The following ROBO2 variants were observed in gnomAD, a reference collection of about 807,000 sequenced individuals.
ROBO2 encodes roundabout homolog 2.
Under a neutral mutation model 160.8 loss-of-function variants are expected in ROBO2, and 53 were observed. The observed-to-expected ratio is 0.33, with a 90% CI of 0.26 to 0.41. The LOEUF (loss-of-function observed/expected upper bound fraction) is 0.41. Ranked by LOEUF, ROBO2 falls within the 10% of genes least tolerant of loss-of-function variation. ROBO2 has a pLI of 1.00. For synonymous variants in ROBO2, 664 were observed against 611.7 expected (o/e 1.09, Z -1.26); for missense variants, 1,577 against 1,722.4 (o/e 0.92, Z 1.49).
chr3:77,178,304 C>G (rs2150811930), intron 2 of ROBO2, among the ~76,000 whole-genome samples: 1 of 152,098 alleles, frequency 6.6e-6, no homozygotes, highest in South Asian at 2.1e-4. Context: ...TTCCAATGCA[C>G]AAAGATACAG....
intron 2 of ROBO2, among the ~76,000 whole-genome samples, chr3:76,593,251 G>A (rs1000461133): frequency 6.6e-6 from 1 of 151,990 alleles, no homozygotes; most frequent in African/African-American, 2.4e-5. Flanking sequence ...CATTAAGAAT[G>A]CTGTAATCCC....
At chr3:75,929,494 TGA>T (rs1947440573) in intron 1 of ROBO2, among the ~76,000 whole-genome samples, 1 of 152,174 alleles carries the variant, frequency 6.6e-6, no homozygotes, top group Admixed American at 6.5e-5. Context: ...TTTCATAAAT[TGA>T]GACTGGTCTT....
At chr3:76,527,966 A>C (rs1440026394) in intron 2 of ROBO2, among the ~76,000 whole-genome samples, 1 of 152,078 alleles carries the variant, frequency 6.6e-6, no homozygotes, top group Non-Finnish European at 1.5e-5. Flanking sequence ...CTGTCTAGCC[A>C]GAAGGAGGAA....
At chr3:76,330,069 T>G (rs2073365383) in intron 2 of ROBO2, among the ~76,000 whole-genome samples, 1 of 152,198 alleles carries the variant, frequency 6.6e-6, no homozygotes, top group South Asian at 2.1e-4. Context: ...TCAAAGGCCA[T>G]ATTTGAAAGG....
At chr3:77,622,516 A>T in intron 23 of ROBO2, 84 bp downstream of exon 24, 3 of 1,092,828 alleles carry the variant, frequency 2.7e-6, no homozygotes, top group Non-Finnish European at 4.1e-6. Context: ...TTATTGTAAG[A>T]TTTATTCCAC....
At chr3:76,105,220 A>G (rs1001313213) in intron 2 of ROBO2, among the ~76,000 whole-genome samples, 11 of 152,154 alleles carry the variant, frequency 7.2e-5, no homozygotes, top group Non-Finnish European at 1.5e-4. Context: ...TTTATAAAAA[A>G]TTGTTGGATA....
At chr3:76,745,144 T>C (rs2093865172) in intron 2 of ROBO2, among the ~76,000 whole-genome samples, 1 of 152,306 alleles carries the variant, frequency 6.6e-6, no homozygotes, top group African/African-American at 2.4e-5. Flanking sequence ...TTTATTTGCG[T>C]ATTAACAAGT....
intron 2 of ROBO2, among the ~76,000 whole-genome samples, chr3:76,898,341 A>C (rs2074969042): frequency 6.6e-6 from 1 of 152,138 alleles, no homozygotes; most frequent in South Asian, 2.1e-4. Context: ...CAGTGCCAAC[A>C]GGTGTGATTC....
intron 2 of ROBO2, among the ~76,000 whole-genome samples, chr3:76,804,940 T>G (rs2064555718): frequency 6.6e-6 from 1 of 152,166 alleles, no homozygotes; most frequent in South Asian, 2.1e-4. Context: ...TTTTGAAGCA[T>G]TCTAAGACTA....
At chr3:77,117,798 A>G (rs2074353684) in intron 2 of ROBO2, among the ~76,000 whole-genome samples, 1 of 152,108 alleles carries the variant, frequency 6.6e-6, no homozygotes, top group African/African-American at 2.4e-5. Flanking sequence ...CCTTGCACCT[A>G]ATGGCCTACT....
intron 2 of ROBO2, among the ~76,000 whole-genome samples, chr3:76,474,597 A>G (rs1220769089): frequency 6.6e-6 from 1 of 152,172 alleles, no homozygotes; most frequent in African/African-American, 2.4e-5. Flanking sequence ...ACACAAATAT[A>G]TAGTATGTGA....
chr3:77,398,630 G>A (rs1240787644), intron 2 of ROBO2, among the ~76,000 whole-genome samples: 1 of 151,972 alleles, frequency 6.6e-6, no homozygotes, highest in Non-Finnish European at 1.5e-5. Flanking sequence ...CGCCCTGGCT[G>A]GAGTGTAATG....
At chr3:77,135,049 T>C (rs754822559) in intron 2 of ROBO2, among the ~76,000 whole-genome samples, 2 of 152,218 alleles carry the variant, frequency 1.3e-5, no homozygotes, top group African/African-American at 2.4e-5. Flanking sequence ...GTATCAGTGC[T>C]TTGACAGCTG....
chr3:77,196,367 C>G (rs1313854116), intron 2 of ROBO2, among the ~76,000 whole-genome samples: 1 of 142,554 alleles, frequency 7.0e-6, no homozygotes, highest in African/African-American at 2.6e-5. Context: ...TTACAAAGAA[C>G]AGAGAATTCG....
At chr3:76,806,621 G>A (rs369607824) in intron 2 of ROBO2, among the ~76,000 whole-genome samples, 4 of 151,938 alleles carry the variant, frequency 2.6e-5, no homozygotes, top group Non-Finnish European at 5.9e-5. Flanking sequence ...AATCCAAAAC[G>A]ATTGGCACAC....
At chr3:76,983,507 G>A (rs1337857792) in intron 2 of ROBO2, among the ~76,000 whole-genome samples, 1 of 152,048 alleles carries the variant, frequency 6.6e-6, no homozygotes, top group African/African-American at 2.4e-5. Context: ...CATCTATTTA[G>A]TTAGTAATGT....
intron 1 of ROBO2, among the ~76,000 whole-genome samples, chr3:77,097,558 T>C (rs566701449): frequency 3.9e-5 from 6 of 152,278 alleles, no homozygotes; most frequent in African/African-American, 1.4e-4. Flanking sequence ...ATAATATTTG[T>C]ACATAATTTA....
intron 2 of ROBO2, among the ~76,000 whole-genome samples, chr3:76,250,982 A>G (rs1212593255): frequency 6.6e-6 from 1 of 152,086 alleles, no homozygotes; most frequent in Non-Finnish European, 1.5e-5. Flanking sequence ...TAAAGGTGAT[A>G]AGATACTTAT....
In ROBO2 at chr3:76,192,524, C is replaced by CCACACACACACACACA. The variant is rs3039244; in HGVS notation, c.109+254954_109+254969dup. 1.2e-4 allele frequency among the ~76,000 whole-genome samples: 15 copies of CCACACACACACACACA among 130,084 alleles called. 1 individual carries two copies. The highest frequency in any genetic ancestry group is 2.3e-4 in the Non-Finnish European group (14 of 61,602). 85.3% of individuals were successfully genotyped at this position (130,084 alleles called of 152,430 possible). On this transcript the variant is annotated intron_variant, in intron 2 of 26. Transcript: ENST00000487694. ...TCTAAACTTTGCGTCCAACACTCCA[C>CCACACACACACACACA]CACACACACACACACACACACACAC...
Sources: allele counts gnomAD v4.1 joint callset (sites outside exome capture counted in the v4.1 genomes callset), GRCh38; gene constraint gnomAD v4.1.1; transcripts MANE v1.5; gene names NCBI Gene and HGNC (gene_info 2026-07-23, HGNC 2026-07-21).